ZNF25: variants seen among roughly 807,000 people sequenced by gnomAD.
ZNF25 encodes the protein zinc finger protein 25.
In ZNF25, 21 loss-of-function variants were observed where a neutral mutation model predicts 30.9. That is an observed-to-expected ratio of 0.68 (90% CI 0.48 to 0.98). ZNF25 has a LOEUF of 0.98. ZNF25 is among the 50% of genes least tolerant of loss of function. ZNF25 has a pLI of 0.00. For missense variants in ZNF25, 501 were observed against 529.9 expected (o/e 0.95, Z 0.54); for synonymous variants, 169 against 181.3 (o/e 0.93, Z 0.55).
chr10:37,962,896 A>C (rs1266837951), intron 2 of ZNF25, among the ~76,000 whole-genome samples: 1 of 152,118 alleles, frequency 6.6e-6, no homozygotes, highest in Admixed American at 6.5e-5. Flanking sequence ...CCTAGTATCA[A>C]TTATATTAAA....
intron 2 of ZNF25, among the ~76,000 whole-genome samples, chr10:37,960,041 A>G (rs2062766644): frequency 6.6e-6 from 1 of 152,084 alleles, no homozygotes; most frequent in African/African-American, 2.4e-5. Flanking sequence ...CAGCCTCCCG[A>G]GTAGCTGGGA....
intron 1 of ZNF25, among the ~76,000 whole-genome samples, chr10:37,975,118 G>A (rs938058000): frequency 6.6e-6 from 1 of 152,146 alleles, no homozygotes; most frequent in Non-Finnish European, 1.5e-5. Context: ...AGGGAAGTAG[G>A]GAGTGAGGAA....
intron 4 of ZNF25, among the ~76,000 whole-genome samples, chr10:37,954,253 C>T (rs2062372064): frequency 6.6e-6 from 1 of 152,154 alleles, no homozygotes; most frequent in Admixed American, 6.5e-5. Flanking sequence ...GCTAGGATTC[C>T]TAGCATTTAG....
At chr10:37,966,395 C>T (rs1363053797) in intron 2 of ZNF25, among the ~76,000 whole-genome samples, 4 of 150,308 alleles carry the variant, frequency 2.7e-5, no homozygotes, top group Non-Finnish European at 5.9e-5. Flanking sequence ...GCCTGGGTGA[C>T]AGAGCAGGAC....
chr10:37,961,031 T>G (rs1564775755), intron 2 of ZNF25, among the ~76,000 whole-genome samples: 1 of 152,068 alleles, frequency 6.6e-6, no homozygotes, highest in Non-Finnish European at 1.5e-5. Context: ...GAAGGATGAC[T>G]GATAGGAAAA....
chr10:37,967,524 C>T (rs1476101292), intron 2 of ZNF25, among the ~76,000 whole-genome samples: 1 of 151,988 alleles, frequency 6.6e-6, no homozygotes, highest in African/African-American at 2.4e-5. Context: ...GATGCCCCCA[C>T]CTCAGCCTCC....
In ZNF25 at chr10:37,952,152, G is replaced by C; in HGVS notation, c.1346C>G (p.Thr449Arg). 6.3e-7 allele frequency: 1 copy of C among 1,577,386 alleles called. No homozygotes were observed. The highest frequency in any genetic ancestry group is 8.6e-7 in the Non-Finnish European group (1 of 1,163,622). The change falls in exon 6 of 6, where the codon ACA (threonine) becomes AGA (arginine). Residue 449 changes from threonine to arginine, a missense_variant. Thr to Arg is a moderately conservative substitution (Grantham distance 71, BLOSUM62 -1). Coordinates refer to ENST00000302609, the MANE Select transcript of ZNF25 (RefSeq NM_145011.4). ...TTACTTCTCAGCATTCCTCTTCTTT[G>C]TGTGTGTCTTCTGATGTGCAGTGAG... The part of the protein sequence containing the change: ...SQLTAHQKTH[T>R]KKRNAEK
intron 2 of ZNF25, among the ~76,000 whole-genome samples, chr10:37,958,397 AT>A (rs1403110331): frequency 6.6e-6 from 1 of 152,210 alleles, no homozygotes; most frequent in Non-Finnish European, 1.5e-5. Context: ...TATGATACCT[AT>A]TGTGGGTACA....
chr10:37,955,756 T>A (rs2062478821), intron 4 of ZNF25, among the ~76,000 whole-genome samples: 1 of 152,194 alleles, frequency 6.6e-6, no homozygotes, highest in Admixed American at 6.5e-5. Context: ...TGGCTCACTG[T>A]AACCACTGCT....
At chr10:37,966,683 C>T (rs2063208232) in intron 2 of ZNF25, among the ~76,000 whole-genome samples, 1 of 152,094 alleles carries the variant, frequency 6.6e-6, no homozygotes, top group East Asian at 1.9e-4. Context: ...AAGTCTGCCC[C>T]CATGATCTAA....
rs369645692 is a variant in ZNF25 at position 37,967,271 on chromosome 10, A to G, written c.15+4437T>C. On this transcript the variant is annotated intron_variant, in intron 2 of 5. Transcript: ENST00000302609. ...AACATTGGGAAAGAAGAATAAAGTC[A>G]GAGGACTCACACTTCACAATTTCAA... Among the ~76,000 whole-genome samples the G allele has an allele frequency of 6.6e-5, 10 of 152,354 alleles. No individual in the cohort carries two copies. In the East Asian group the frequency reaches 1.2e-3, roughly 18 times the overall value.
At chr10:37,963,665 T>C (rs2063017059) in intron 2 of ZNF25, among the ~76,000 whole-genome samples, 1 of 152,082 alleles carries the variant, frequency 6.6e-6, no homozygotes, top group East Asian at 1.9e-4. Context: ...TCGGTTCACA[T>C]GAGATCTGGT....
intron 2 of ZNF25, among the ~76,000 whole-genome samples, chr10:37,966,800 A>G (rs1282139592): frequency 6.6e-6 from 1 of 152,210 alleles, no homozygotes; most frequent in Non-Finnish European, 1.5e-5. Flanking sequence ...AAAGGAAAAT[A>G]TATAAAGTAT....
chr10:37,959,209 G>A lies in ZNF25; in HGVS notation c.16-1663C>T, dbSNP rs1376737769. On this transcript the variant is annotated intron_variant, in intron 2 of 5. Coordinates refer to ENST00000302609, the MANE Select transcript of ZNF25 (RefSeq NM_145011.4). ...TATAGAAACCAGGAGCCACTGAAGA[G>A]ATGTGTCAAGTAAGCACTGGAGTTA... Among the ~76,000 whole-genome samples the A allele has an allele frequency of 2.6e-5, 4 of 152,182 alleles. No homozygotes were observed. In the East Asian group the frequency reaches 7.7e-4, roughly 29 times the overall value.
In ZNF25 at chr10:37,967,360, C is replaced by A. The variant is rs927080604; in HGVS notation, c.15+4348G>T. Among the ~76,000 whole-genome samples, 5 of 152,086 alleles carry A rather than the reference C, an allele frequency of 3.3e-5. No individual in the cohort carries two copies. In the East Asian group the frequency reaches 7.7e-4, roughly 23 times the overall value. On this transcript the variant is annotated intron_variant, in intron 2 of 5. Transcript: ENST00000302609. ...ACTGGCATAAGGACAGACATACAATCTAATGGGATAGAACTGAGTTCAGAA... is the reference window on the plus strand; with the variant it reads ...ACTGGCATAAGGACAGACATACAATATAATGGGATAGAACTGAGTTCAGAA...
At position 37,953,167 on chromosome 10, in the gene ZNF25, T is replaced by C; in HGVS notation, c.331A>G (p.Thr111Ala). The C allele has an allele frequency of 1.9e-6, 3 of 1,590,308 alleles. No homozygotes were observed. Among genetic ancestry groups the C allele is most frequent in the Non-Finnish European group, 2.6e-6 (3 of 1,173,430 alleles). The change falls in exon 6 of 6, where the codon ACT becomes GCT. Residue 111 changes from threonine to alanine, a missense_variant. Transcript: ENST00000302609. ...TCACAGGCTTTCTCTGTGGTATGAG[T>C]TTTCTGATGTTTTGTGAGTTCTCCA... The part of the protein sequence containing the change: ...RNGELTKHQK[T>A]HTTEKACECK...
intron 4 of ZNF25, among the ~76,000 whole-genome samples, chr10:37,954,690 T>C (rs755163301): frequency 6.6e-6 from 1 of 152,232 alleles, no homozygotes; most frequent in African/African-American, 2.4e-5. Flanking sequence ...AACATCATTC[T>C]AGAATCTTTA....
At chr10:37,960,635 A>AAC (rs1367164300) in intron 2 of ZNF25, among the ~76,000 whole-genome samples, 61 of 148,516 alleles carry the variant, frequency 4.1e-4, no homozygotes, top group African/African-American at 1.3e-3. Context: ...AAAAAAAAAA[A>AAC]AAAAAAAAAC....
chr10:37,971,229 T>A (rs1410602787), intron 2 of ZNF25, among the ~76,000 whole-genome samples: 1 of 150,440 alleles, frequency 6.6e-6, no homozygotes, highest in East Asian at 2.0e-4. Flanking sequence ...GGCAGGAGAA[T>A]CACTTGAACC....
Sources: allele counts gnomAD v4.1 joint callset (sites outside exome capture counted in the v4.1 genomes callset), GRCh38; gene constraint gnomAD v4.1.1; transcripts MANE v1.5; gene names NCBI Gene and HGNC (gene_info 2026-07-23, HGNC 2026-07-21).